ANXA8: variants seen among roughly 807,000 people sequenced by gnomAD.
The protein encoded by ANXA8 is annexin A8.
Under a neutral mutation model 26.8 loss-of-function variants are expected in ANXA8, and 9 were observed. That is an observed-to-expected ratio of 0.34 (90% CI 0.20 to 0.59). ANXA8 has a LOEUF of 0.59. Among genes scored for constraint, ANXA8 ranks in the 20% least tolerant of loss-of-function variants. The pLI is 0.84. For missense variants in ANXA8, 83 were observed against 238.5 expected (o/e 0.35, Z 4.29); for synonymous variants, 39 against 94.8 (o/e 0.41, Z 3.42).
At chr10:47,483,048 C>T (rs1467928158) in intron 1 of ANXA8, among the ~76,000 whole-genome samples, 98 of 150,702 alleles carry the variant, frequency 6.5e-4, no homozygotes, top group Non-Finnish European at 1.2e-3. Context: ...AGCCGGCAGC[C>T]GGGAGATGTC....
At chr10:47,736,397 C>T in the ANXA8 span, among the ~76,000 whole-genome samples, 19 of 77,508 alleles carry the variant, frequency 2.5e-4, no homozygotes, top group South Asian at 1.1e-3. Context: ...TTTTTTACTC[C>T]ACAATTTGCC....
At chr10:47,769,597 T>G in the ANXA8 span, among the ~76,000 whole-genome samples, 1 of 151,734 alleles carries the variant, frequency 6.6e-6, no homozygotes, top group African/African-American at 2.4e-5. Context: ...CATGTCCTCC[T>G]TTGTTCCCTC....
At chr10:47,991,779 C>T in the ANXA8 span, 6 of 1,609,460 alleles carry the variant, frequency 3.7e-6, no homozygotes, top group Non-Finnish European at 5.1e-6. Flanking sequence ...ACATGTCTGG[C>T]TCCTGCAGCT....
chr10:47,881,696 CGTGTGTGTGT>C, the ANXA8 span, among the ~76,000 whole-genome samples: 3 of 64,810 alleles, frequency 4.6e-5, no homozygotes, highest in Non-Finnish European at 9.1e-5. Context: ...TGTGAGCATG[CGTGTGTGTGT>C]GTGTGTGAAT....
the ANXA8 span, among the ~76,000 whole-genome samples, chr10:47,639,298 A>C: frequency 2.7e-5 from 2 of 74,180 alleles, no homozygotes; most frequent in Non-Finnish European, 2.8e-5. Context: ...ACGCCCGGCT[A>C]ATTATTATTA....
chr10:47,594,925 A>G, the ANXA8 span, among the ~76,000 whole-genome samples: 4 of 149,412 alleles, frequency 2.7e-5, no homozygotes, highest in African/African-American at 1.0e-4. Context: ...CCTCTGTTAT[A>G]CACTATAAAG....
the ANXA8 span, among the ~76,000 whole-genome samples, chr10:47,570,818 G>GA: frequency 6.7e-5 from 10 of 148,638 alleles, no homozygotes; most frequent in Non-Finnish European, 1.5e-4. Context: ...TCATTTTTAG[G>GA]AAAAAAGTCA....
the ANXA8 span, among the ~76,000 whole-genome samples, chr10:47,613,861 G>A: frequency 1.3e-5 from 1 of 79,518 alleles, no homozygotes. Context: ...CCAATGATCT[G>A]ATAGGAGGCT....
chr10:47,965,996 C>G, the ANXA8 span, among the ~76,000 whole-genome samples: 20 of 122,304 alleles, frequency 1.6e-4, 1 homozygote, highest in Middle Eastern at 4.0e-3. Flanking sequence ...GCCCCTCCCC[C>G]CAACCTCCAG....
the ANXA8 span, among the ~76,000 whole-genome samples, chr10:47,508,994 T>C: frequency 2.4e-4 from 32 of 133,612 alleles, 7 homozygotes; most frequent in Non-Finnish European, 1.1e-4. Flanking sequence ...ATTTGCCCTA[T>C]TAATTTGTTC....
the ANXA8 span, chr10:47,567,879 A>G: frequency 2.5e-5 from 10 of 395,462 alleles, no homozygotes; most frequent in African/African-American, 2.5e-4. Context: ...TTTTTCTAAT[A>G]TTGTGTGGCG....
At chr10:47,968,045 C>T in the ANXA8 span, among the ~76,000 whole-genome samples, 1 of 151,274 alleles carries the variant, frequency 6.6e-6, no homozygotes, top group African/African-American at 2.4e-5. Flanking sequence ...CTAAAATAAC[C>T]TGTTATACAG....
the ANXA8 span, among the ~76,000 whole-genome samples, chr10:47,941,262 C>T: frequency 4.3e-3 from 630 of 146,522 alleles, 45 homozygotes; most frequent in Non-Finnish European, 6.6e-3. Flanking sequence ...TACCCTCCTC[C>T]GAGAGGACCA....
At chr10:47,944,611 G>T in the ANXA8 span, among the ~76,000 whole-genome samples, 3 of 150,464 alleles carry the variant, frequency 2.0e-5, no homozygotes, top group Non-Finnish European at 4.4e-5. Flanking sequence ...TACTGTTCTC[G>T]TGATGCTGAA....
At chr10:47,648,376 A>AT in the ANXA8 span, among the ~76,000 whole-genome samples, 2 of 150,830 alleles carry the variant, frequency 1.3e-5, no homozygotes, top group Admixed American at 1.3e-4. Context: ...TTTTTACCTA[A>AT]TTTTTAATCT....
upstream of ANXA8, chr10:47,484,873 T>A: frequency 6.7e-6 from 3 of 448,746 alleles, no homozygotes; most frequent in Non-Finnish European, 1.2e-5. Context: ...GGCACCTACA[T>A]CTGAGCTTCC....
At chr10:47,687,308 G>A in the ANXA8 span, among the ~76,000 whole-genome samples, 2 of 150,578 alleles carry the variant, frequency 1.3e-5, no homozygotes, top group African/African-American at 2.4e-5. Flanking sequence ...TGTCACCCAG[G>A]CTGGAGTGCT....
chr10:47,982,817 TATATATATATATATATAA>T, the ANXA8 span, among the ~76,000 whole-genome samples: 4 of 63,822 alleles, frequency 6.3e-5, no homozygotes, highest in Non-Finnish European at 9.7e-5. Flanking sequence ...TATATATATA[TATATATATATATATATAA>T]AATTTGATAA....
chr10:47,733,233 C>CTTTCTTTCTT, the ANXA8 span, among the ~76,000 whole-genome samples: 1 of 59,686 alleles, frequency 1.7e-5, no homozygotes, highest in East Asian at 5.0e-4. Flanking sequence ...CTTTCTTTCT[C>CTTTCTTTCTT]TCTTTCTTTC....
Sources: allele counts gnomAD v4.1 joint callset (sites outside exome capture counted in the v4.1 genomes callset), GRCh38; gene constraint gnomAD v4.1.1; transcripts MANE v1.5; gene names NCBI Gene and HGNC (gene_info 2026-07-23, HGNC 2026-07-21).